Variants in AHRR observed in about 807,000 individuals in gnomAD.
AHRR encodes the protein ahR repressor.
Under a neutral mutation model 44.0 loss-of-function variants are expected in AHRR, and 28 were observed. The ratio of observed to expected loss-of-function variants is 0.64; its 90% CI spans 0.47 to 0.87. AHRR has a LOEUF of 0.87. Among genes scored for constraint, AHRR ranks in the 40% least tolerant of loss-of-function variants. AHRR has a pLI of 0.00. For missense variants in AHRR, 990 were observed against 953.9 expected (o/e 1.04, Z -0.50); for synonymous variants, 434 against 407.0 (o/e 1.07, Z -0.80).
At chr5:418,402 A>G (rs988669057) in intron 5 of AHRR, among the ~76,000 whole-genome samples, 2 of 152,232 alleles carry the variant, frequency 1.3e-5, no homozygotes, top group Non-Finnish European at 2.9e-5. Flanking sequence ...CCCTCAACCC[A>G]AACAGGACTT....
At chr5:397,105 G>A (rs1340348489) in intron 4 of AHRR, among the ~76,000 whole-genome samples, 23 of 81,272 alleles carry the variant, frequency 2.8e-4, no homozygotes, top group African/African-American at 8.4e-4. Context: ...GACCATCCAC[G>A]TAGCCCCTGA....
chr5:368,251 T>C (rs1743438778), intron 3 of AHRR, among the ~76,000 whole-genome samples: 1 of 152,188 alleles, frequency 6.6e-6, no homozygotes, highest in African/African-American at 2.4e-5. Context: ...CCAGTGGGGC[T>C]GCTCAGGAAG....
intron 4 of AHRR, among the ~76,000 whole-genome samples, chr5:393,577 C>G (rs891528336): frequency 3.9e-5 from 6 of 152,150 alleles, no homozygotes; most frequent in Admixed American, 2.6e-4. Context: ...TCTGCTCTTT[C>G]CTGGAGGCTG....
At chr5:409,951 G>A (rs758133668) in intron 4 of AHRR, among the ~76,000 whole-genome samples, 2 of 152,204 alleles carry the variant, frequency 1.3e-5, no homozygotes, top group South Asian at 2.1e-4. Flanking sequence ...TGTGTGTGGC[G>A]TGAAATAGGA....
intron 1 of AHRR, among the ~76,000 whole-genome samples, chr5:329,404 C>T (rs897785946): frequency 1.3e-5 from 2 of 152,156 alleles, no homozygotes; most frequent in African/African-American, 4.8e-5. Context: ...TGAGGTCTCA[C>T]TGTGTTGTTC....
intron 2 of AHRR, among the ~76,000 whole-genome samples, chr5:344,856 G>T (rs1279074454): frequency 4.2e-5 from 6 of 141,470 alleles, no homozygotes; most frequent in Non-Finnish European, 9.3e-5. Flanking sequence ...TGTGGGGTGT[G>T]TGAGACTGTG....
At chr5:385,761 C>T (rs1443041781) in intron 4 of AHRR, among the ~76,000 whole-genome samples, 1 of 152,154 alleles carries the variant, frequency 6.6e-6, no homozygotes, top group African/African-American at 2.4e-5. Context: ...TCTTCTTGAA[C>T]CTGTTCATTT....
At chr5:349,421 CA>C (rs1002170527) in intron 2 of AHRR, among the ~76,000 whole-genome samples, 2 of 150,880 alleles carry the variant, frequency 1.3e-5, no homozygotes. Flanking sequence ...ACTAAAAATA[CA>C]AAAAAAAATT....
rs1416269289 is a variant in AHRR, at chr5:397,719, G to A, written c.352-15625G>A. 6.5e-5 allele frequency among the ~76,000 whole-genome samples: 8 copies of A among 123,862 alleles called. No individual in the cohort carries two copies. The East Asian group carries it at 7.4e-4, about 11-fold the overall frequency. 81.3% of individuals were successfully genotyped at this position (123,862 alleles called of 152,430 possible). A position where few individuals can be genotyped will look rare whatever the true frequency, so the allele number is the denominator to read the frequency against. On this transcript the variant is annotated intron_variant, in intron 4 of 10. Coordinates refer to ENST00000684583, the MANE Select transcript of AHRR (RefSeq NM_001377236.1). ...ATCCACGTAGCCCCTGACCGTCCAC[G>A]TAGCTCCTGACCGTCCACGTAGCTC...
At chr5:366,155 T>C (rs1743354737) in intron 3 of AHRR, among the ~76,000 whole-genome samples, 1 of 150,518 alleles carries the variant, frequency 6.6e-6, no homozygotes, top group Non-Finnish European at 1.5e-5. Flanking sequence ...CATTCAGATG[T>C]TGGTTTCTAA....
intron 4 of AHRR, among the ~76,000 whole-genome samples, chr5:412,221 A>G (rs1735493978): frequency 6.6e-6 from 1 of 152,248 alleles, no homozygotes; most frequent in African/African-American, 2.4e-5. Flanking sequence ...TCAAGATGAA[A>G]TGAATTTCTA....
intron 5 of AHRR, chr5:418,869 A>G (rs1260507661): frequency 6.5e-6 from 1 of 152,966 alleles, no homozygotes; most frequent in Non-Finnish European, 1.5e-5. Flanking sequence ...CAGCACTGCC[A>G]TGTGCCTCTG....
intron 4 of AHRR, among the ~76,000 whole-genome samples, chr5:409,266 T>C (rs1735382477): frequency 1.3e-5 from 2 of 152,272 alleles, no homozygotes; most frequent in South Asian, 4.1e-4. Context: ...TTGTAGCTTT[T>C]GATTATTATG....
At chr5:332,063 G>A (rs900642278) in intron 1 of AHRR, among the ~76,000 whole-genome samples, 1 of 151,942 alleles carries the variant, frequency 6.6e-6, no homozygotes, top group Non-Finnish European at 1.5e-5. Context: ...TAATCTCTTT[G>A]TTGACCCAGG....
At chr5:374,652 G>A (rs1382322925) in intron 3 of AHRR, among the ~76,000 whole-genome samples, 1 of 152,222 alleles carries the variant, frequency 6.6e-6, no homozygotes, top group East Asian at 1.9e-4. Context: ...CAGAGACCAG[G>A]GAGGGAGGGG....
At chr5:422,681 T>A in intron 5 of AHRR, 48 bp from the exon 6 acceptor site, 1 of 1,613,856 alleles carries the variant, frequency 6.2e-7, no homozygotes. Context: ...ATAAAGTGTC[T>A]AAAGCCACTT....
intron 5 of AHRR, among the ~76,000 whole-genome samples, chr5:417,217 T>G (rs1300406691): frequency 6.8e-6 from 1 of 148,064 alleles, no homozygotes; most frequent in East Asian, 2.0e-4. Flanking sequence ...GGTCTGTATG[T>G]GCAGGGCCCG....
At position 412,715 on chromosome 5, in the gene AHRR, CTTTTTTTT is replaced by C. The variant is rs11285209; in HGVS notation, c.352-615_352-608del. On this transcript the variant is annotated intron_variant, in intron 4 of 10. Coordinates refer to ENST00000684583, the MANE Select transcript of AHRR (RefSeq NM_001377236.1). ...GAGTTCAACATTTTTCTCTCTCTCT[CTTTTTTTT>C]TTTTTTTTTTTTTCTGAGACAGAGT... 3.1e-5 allele frequency among the ~76,000 whole-genome samples: 3 copies of C among 96,952 alleles called. No homozygotes were observed. The East Asian group carries it at 8.3e-4, about 27-fold the overall frequency. The allele number at this position is 96,952 out of a possible 152,430, so 63.6% of individuals were successfully genotyped here.
chr5:328,255 A>AT (rs70955232), intron 1 of AHRR, among the ~76,000 whole-genome samples: 7,678 of 54,238 alleles, frequency 0.14, 2,513 homozygotes, highest in East Asian at 0.48. Context: ...CCAACATCTG[A>AT]TTTTTTTTTT....
Sources: allele counts gnomAD v4.1 joint callset (sites outside exome capture counted in the v4.1 genomes callset), GRCh38; gene constraint gnomAD v4.1.1; transcripts MANE v1.5; gene names NCBI Gene and HGNC (gene_info 2026-07-23, HGNC 2026-07-21).